Variants in KIAA1217 observed in about 807,000 individuals in gnomAD.
The protein encoded by KIAA1217 is KIAA1217.
Under a neutral mutation model 163.9 loss-of-function variants are expected in KIAA1217, and 88 were observed. The observed-to-expected ratio is 0.54, with a 90% CI of 0.45 to 0.64. The LOEUF is 0.64. Among genes scored for constraint, KIAA1217 ranks in the 30% least tolerant of loss-of-function variants. The pLI is 0.00. For synonymous variants in KIAA1217, 903 were observed against 923.1 expected (o/e 0.98, Z 0.39); for missense variants, 2,372 against 2,475.0 (o/e 0.96, Z 0.88).
intron 6 of KIAA1217, among the ~76,000 whole-genome samples, chr10:24,492,742 A>C (rs1472102087): frequency 1.3e-5 from 2 of 152,010 alleles, no homozygotes; most frequent in Non-Finnish European, 2.9e-5. Context: ...GCAATGCTTG[A>C]GTTGGACAAA....
chr10:23,764,324 G>A (rs1446268117), intron 1 of KIAA1217, among the ~76,000 whole-genome samples: 1 of 152,164 alleles, frequency 6.6e-6, no homozygotes, highest in Non-Finnish European at 1.5e-5. Flanking sequence ...GCGAGGCTCT[G>A]GAGAAATAGG....
rs988220280 is a variant in KIAA1217, at chr10:23,790,579, G to A, written c.-321+95345G>A. On this transcript the variant is annotated intron_variant, in intron 1 of 18. Transcript: ENST00000376462. Reference sequence around the variant, plus strand: ...TATGTACATATGTATATATACATATGTATATGTACATATATACATGTACAT... The same window carrying A: ...TATGTACATATGTATATATACATATATATATGTACATATATACATGTACAT... Among the ~76,000 whole-genome samples the A allele has an allele frequency of 2.9e-4, 32 of 112,200 alleles. 5 individuals carry two copies. Among genetic ancestry groups the A allele is most frequent in the African/African-American group, 1.4e-3 (31 of 22,334 alleles). 73.6% of individuals were successfully genotyped at this position (112,200 alleles called of 152,430 possible).
chr10:24,447,282 C>T (rs759452085), intron 5 of KIAA1217, among the ~76,000 whole-genome samples: 26 of 151,740 alleles, frequency 1.7e-4, no homozygotes, highest in Non-Finnish European at 2.2e-4. Context: ...TTCTGGGGTA[C>T]ATGTGCACAA....
chr10:24,174,858 T>C (rs1194392316), intron 2 of KIAA1217, among the ~76,000 whole-genome samples: 2 of 151,988 alleles, frequency 1.3e-5, no homozygotes, highest in Non-Finnish European at 2.9e-5. Context: ...AGTGTTGTTG[T>C]TGTTGTTGTT....
At chr10:24,040,951 G>T (rs752732624) in intron 2 of KIAA1217, among the ~76,000 whole-genome samples, 1 of 152,232 alleles carries the variant, frequency 6.6e-6, no homozygotes, top group Non-Finnish European at 1.5e-5. Flanking sequence ...ATAACGAAAA[G>T]CCAGGGAGGG....
At chr10:23,976,439 G>T (rs1031353343) in intron 1 of KIAA1217, among the ~76,000 whole-genome samples, 2 of 152,066 alleles carry the variant, frequency 1.3e-5, no homozygotes, top group African/African-American at 2.4e-5. Context: ...ATGATAATTT[G>T]TACCCACAGG....
At chr10:24,476,291 G>A (rs777215750) in intron 6 of KIAA1217, among the ~76,000 whole-genome samples, 1 of 152,054 alleles carries the variant, frequency 6.6e-6, no homozygotes, top group Non-Finnish European at 1.5e-5. Context: ...TTTAGTTATG[G>A]AGAGAATAAA....
chr10:23,869,613 C>G (rs781525784), intron 1 of KIAA1217, among the ~76,000 whole-genome samples: 4 of 152,096 alleles, frequency 2.6e-5, no homozygotes, highest in Non-Finnish European at 2.9e-5. Flanking sequence ...AAACAACTTA[C>G]AGTTGTAACG....
chr10:24,542,076 A>G (rs2075180602), intron 17 of KIAA1217, among the ~76,000 whole-genome samples: 1 of 152,168 alleles, frequency 6.6e-6, no homozygotes, highest in African/African-American at 2.4e-5. Context: ...CTGTCATTTG[A>G]TCAGGGGAAA....
intron 2 of KIAA1217, among the ~76,000 whole-genome samples, chr10:24,174,444 C>A (rs943379003): frequency 3.3e-5 from 5 of 152,208 alleles, no homozygotes; most frequent in African/African-American, 1.2e-4. Context: ...ACACACGAGT[C>A]TAAAGCTATA....
chr10:23,821,137 G>A (rs1013910060), intron 1 of KIAA1217, among the ~76,000 whole-genome samples: 2 of 149,198 alleles, frequency 1.3e-5, no homozygotes, highest in African/African-American at 5.0e-5. Flanking sequence ...GTGTGTGTGT[G>A]ATACTAAGTG....
At position 24,027,418 on chromosome 10, in the gene KIAA1217, G is replaced by A. The variant is rs112161591; in HGVS notation, c.-171+20044G>A. Among the ~76,000 whole-genome samples, 781 of 152,188 alleles carry A rather than the reference G, an allele frequency of 5.1e-3. 6 individuals carry two copies. The highest frequency in any genetic ancestry group is 0.018 in the African/African-American group (738 of 41,536). ...TTTCCTGGCTGTTTAAACAAGAGGG[G>A]TAGTTCTGGTTCTTTTTGCTCTACC... On this transcript the variant is annotated intron_variant, in intron 2 of 18. Transcript: ENST00000376462.
At chr10:23,825,032 G>A (rs1441237567) in intron 1 of KIAA1217, among the ~76,000 whole-genome samples, 2 of 152,066 alleles carry the variant, frequency 1.3e-5, no homozygotes, top group Non-Finnish European at 2.9e-5. Context: ...CACATGGTTT[G>A]GTCTCAATTC....
chr10:24,026,742 A>ATTTTTTTTTTTTTTTTTTTTCTTT (rs1847957584), intron 2 of KIAA1217, among the ~76,000 whole-genome samples: 3 of 70,094 alleles, frequency 4.3e-5, no homozygotes, highest in African/African-American at 5.9e-5. Context: ...TATTTCATTG[A>ATTTTTTTTTTTTTTTTTTTTCTTT]TTTTTTTTTT....
intron 2 of KIAA1217, among the ~76,000 whole-genome samples, chr10:24,019,603 T>C (rs1479353833): frequency 6.6e-6 from 1 of 151,638 alleles, no homozygotes; most frequent in African/African-American, 2.4e-5. Context: ...GGCCATAGAG[T>C]CTTGGAAATA....
At chr10:24,501,281 G>T (rs2067548311) in intron 8 of KIAA1217, 98 bp from the exon 9 acceptor site, 1 of 1,063,332 alleles carries the variant, frequency 9.4e-7, no homozygotes, top group African/African-American at 1.6e-5. Context: ...AGAGAATTAG[G>T]CCTTTTTAGA....
intron 2 of KIAA1217, among the ~76,000 whole-genome samples, chr10:24,155,385 T>G (rs2064828107): frequency 6.6e-6 from 1 of 152,190 alleles, no homozygotes; most frequent in African/African-American, 2.4e-5. Context: ...AGAGAACATC[T>G]AAGTTCCACA....
chr10:23,765,739 GC>G (rs58610734), intron 1 of KIAA1217, among the ~76,000 whole-genome samples: 2,870 of 152,218 alleles, frequency 0.019, 92 homozygotes, highest in African/African-American at 0.065. Flanking sequence ...TACATGCCTT[GC>G]TTCCCTTTTG....
intron 3 of KIAA1217, among the ~76,000 whole-genome samples, chr10:24,428,883 A>C (rs2059376200): frequency 6.6e-6 from 1 of 151,670 alleles, no homozygotes; most frequent in South Asian, 2.1e-4. Context: ...AAAATCTCTG[A>C]GCTCATGAAA....
Sources: gnomAD v4.1 joint callset for allele counts (sites outside exome capture counted in the v4.1 genomes callset) on GRCh38, gnomAD v4.1.1 for gene constraint, MANE v1.5 for transcripts, NCBI Gene and HGNC (gene_info 2026-07-23, HGNC 2026-07-21) for gene names.